The following FBXW7 variants were observed in gnomAD, a reference collection of about 807,000 sequenced individuals.
FBXW7 encodes the protein F-box and WD repeat domain containing 7.
Under a neutral mutation model 86.3 loss-of-function variants are expected in FBXW7, and 11 were observed. The ratio of observed to expected loss-of-function variants is 0.13; its 90% CI spans 0.08 to 0.21. FBXW7 has a LOEUF of 0.21. Among genes scored for constraint, FBXW7 ranks in the 10% least tolerant of loss-of-function variants. FBXW7 has a pLI of 1.00. For synonymous variants in FBXW7, 313 were observed against 297.9 expected (o/e 1.05, Z -0.52); for missense variants, 488 against 847.4 (o/e 0.58, Z 5.27).
chr4:152,359,259 C>T (rs1417678266), intron 4 of FBXW7, among the ~76,000 whole-genome samples: 1 of 152,048 alleles, frequency 6.6e-6, no homozygotes, highest in African/African-American at 2.4e-5. Flanking sequence ...CAAACAAAAA[C>T]ATTGCAATTA....
intron 4 of FBXW7, among the ~76,000 whole-genome samples, chr4:152,374,688 T>C (rs1169741628): frequency 6.6e-6 from 1 of 152,086 alleles, no homozygotes; most frequent in African/African-American, 2.4e-5. Context: ...TACAAAGTTG[T>C]CATATAACAT....
At chr4:152,382,521 G>A in intron 4 of FBXW7, 5 of 1,174,944 alleles carry the variant, frequency 4.3e-6, no homozygotes, top group Non-Finnish European at 5.2e-6. Context: ...CTGAGGCTTG[G>A]TGAAGTGCAA....
chr4:152,455,382 C>A (rs73865447), intron 2 of FBXW7, among the ~76,000 whole-genome samples: 5,906 of 152,210 alleles, frequency 0.039, 381 homozygotes, highest in African/African-American at 0.13. Flanking sequence ...TCAAAGCACT[C>A]ACAAGCAGCA....
chr4:152,373,465 T>C (rs1341456510), intron 4 of FBXW7, among the ~76,000 whole-genome samples: 1 of 151,974 alleles, frequency 6.6e-6, no homozygotes, highest in Admixed American at 6.6e-5. Flanking sequence ...ATATCTACAG[T>C]TTCTAGGAAA....
chr4:152,465,491 A>G (rs1743322840), intron 2 of FBXW7, among the ~76,000 whole-genome samples: 1 of 152,146 alleles, frequency 6.6e-6, no homozygotes, highest in East Asian at 1.9e-4. Context: ...TTCCTTTTCC[A>G]TTGCTAAATT....
intron 2 of FBXW7, among the ~76,000 whole-genome samples, chr4:152,448,091 A>G (rs974918946): frequency 7.9e-5 from 12 of 152,242 alleles, no homozygotes; most frequent in Admixed American, 3.9e-4. Flanking sequence ...GAAAACAAGA[A>G]AGAAAAACTA....
chr4:152,457,635 C>T (rs1428684239), intron 2 of FBXW7, among the ~76,000 whole-genome samples: 2 of 125,422 alleles, frequency 1.6e-5, no homozygotes, highest in East Asian at 2.6e-4. Flanking sequence ...CAGAGCAAGA[C>T]TCTGTCTCAA....
chr4:152,384,613 T>A (rs1372838178), intron 4 of FBXW7, among the ~76,000 whole-genome samples: 1 of 152,048 alleles, frequency 6.6e-6, no homozygotes, highest in Non-Finnish European at 1.5e-5. Context: ...AATGGTTGTA[T>A]AACAATGTAA....
chr4:152,364,437 T>C (rs1326360152), intron 4 of FBXW7, among the ~76,000 whole-genome samples: 1 of 152,172 alleles, frequency 6.6e-6, no homozygotes, highest in African/African-American at 2.4e-5. Context: ...TTGAACCCTA[T>C]GGAAAACTGG....
chr4:152,431,168 T>C (rs1739858016), intron 2 of FBXW7, among the ~76,000 whole-genome samples: 1 of 152,188 alleles, frequency 6.6e-6, no homozygotes, highest in African/African-American at 2.4e-5. Context: ...GTTTCTGAAA[T>C]GGGAAGGAGA....
chr4:152,358,820 A>C (rs1175600935), intron 4 of FBXW7, among the ~76,000 whole-genome samples: 4 of 152,172 alleles, frequency 2.6e-5, no homozygotes, highest in Admixed American at 6.5e-5. Context: ...GATACCCTAG[A>C]AATGGTAGCT....
rs535059935 is a variant in FBXW7, at chr4:152,508,148, T to A, written c.-120+26793A>T. On this transcript the variant is annotated intron_variant, in intron 2 of 13. Coordinates refer to ENST00000281708, the MANE Select transcript of FBXW7 (RefSeq NM_001349798.2). ...GGACCAGGAACCTCCTTGAAGAGGCTTCATGGGGCCAAACCTGGGATAATT... is the reference window on the plus strand; with the variant it reads ...GGACCAGGAACCTCCTTGAAGAGGCATCATGGGGCCAAACCTGGGATAATT... Among the ~76,000 whole-genome samples the A allele has an allele frequency of 1.1e-4, 16 of 151,936 alleles. No individual in the cohort carries two copies. In the East Asian group the frequency reaches 3.1e-3, roughly 29 times the overall value.
At chr4:152,449,326 T>C (rs1238546558) in intron 2 of FBXW7, among the ~76,000 whole-genome samples, 1 of 152,120 alleles carries the variant, frequency 6.6e-6, no homozygotes, top group Non-Finnish European at 1.5e-5. Context: ...ATAAACAAAA[T>C]GTAGACAGTA....
intron 2 of FBXW7, among the ~76,000 whole-genome samples, chr4:152,454,094 G>A (rs1000744277): frequency 1.3e-5 from 2 of 151,780 alleles, no homozygotes; most frequent in East Asian, 1.9e-4. Context: ...ATATTTCCAC[G>A]ATATTAAGTA....
intron 2 of FBXW7, among the ~76,000 whole-genome samples, chr4:152,478,000 T>C (rs912081083): frequency 2.6e-5 from 4 of 152,024 alleles, no homozygotes; most frequent in African/African-American, 9.7e-5. Context: ...AACAACAAAA[T>C]TTTATTAGTG....
intron 2 of FBXW7, among the ~76,000 whole-genome samples, chr4:152,423,883 G>GAAGT (rs147045559): frequency 0.014 from 2,111 of 152,246 alleles, 24 homozygotes; most frequent in Middle Eastern, 0.037. Context: ...TTCTGGAATA[G>GAAGT]AATGTTCTAT....
At chr4:152,366,208 G>T (rs1159097577) in intron 4 of FBXW7, among the ~76,000 whole-genome samples, 1 of 152,094 alleles carries the variant, frequency 6.6e-6, no homozygotes, top group African/African-American at 2.4e-5. Context: ...TCAGGGAAAA[G>T]TCATAAAAGC....
At chr4:152,489,684 G>T (rs1175833075) in intron 2 of FBXW7, among the ~76,000 whole-genome samples, 1 of 152,030 alleles carries the variant, frequency 6.6e-6, no homozygotes, top group African/African-American at 2.4e-5. Flanking sequence ...GATGTGTTTA[G>T]AATTTATAAA....
chr4:152,499,306 A>G (rs1461978273), intron 2 of FBXW7, among the ~76,000 whole-genome samples: 1 of 152,194 alleles, frequency 6.6e-6, no homozygotes, highest in African/African-American at 2.4e-5. Flanking sequence ...TGTCTTACAC[A>G]GATGCATCTG....
Sources: allele counts gnomAD v4.1 joint callset (sites outside exome capture counted in the v4.1 genomes callset), GRCh38; gene constraint gnomAD v4.1.1; transcripts MANE v1.5; gene names NCBI Gene and HGNC (gene_info 2026-07-23, HGNC 2026-07-21).